TENM3: variants seen among roughly 807,000 people sequenced by gnomAD.
TENM3 encodes teneurin-3.
A neutral mutation model predicts 255.1 loss-of-function variants in TENM3; 63 were observed. That is an observed-to-expected ratio of 0.25 (90% confidence interval 0.20 to 0.30). The LOEUF (loss-of-function observed/expected upper bound fraction) is 0.30. TENM3 is among the 10% of genes least tolerant of loss of function. The pLI, the probability that TENM3 is intolerant of heterozygous loss-of-function variation, is 1.00. For missense variants in TENM3, 2,929 were observed against 3,461.1 expected (o/e 0.85, Z 3.86); for synonymous variants, 1,306 against 1,322.3 (o/e 0.99, Z 0.27).
In TENM3 at chr4:182,443,724, C is replaced by T. The variant is rs9992159; in HGVS notation, c.511+96795C>T. 2.0e-5 allele frequency among the ~76,000 whole-genome samples: 3 copies of T among 152,050 alleles called. No individual in the cohort carries two copies. In the South Asian group the frequency reaches 6.2e-4, roughly 32 times the overall value. On this transcript the variant is annotated intron_variant, in intron 3 of 27. Transcript: ENST00000511685. ...CCTACAAAGAGTCCAGACCTCATCA[C>T]ACACACCCAGATCCTGCTTCCTCCT...
chr4:182,681,712 T>C (rs2152566715), intron 10 of TENM3, 102 bp from the exon 11 acceptor site: 1 of 846,750 alleles, frequency 1.2e-6, no homozygotes, highest in South Asian at 1.9e-5. Context: ...ATATTTGATT[T>C]TCCAAAATGT....
At chr4:181,927,592 G>A in the TENM3 span, among the ~76,000 whole-genome samples, 27,680 of 152,170 alleles carry the variant, frequency 0.18, 3,030 homozygotes, top group Non-Finnish European at 0.25. Flanking sequence ...AGCTGTGGGC[G>A]CAGCTTCAAC....
the TENM3 span, among the ~76,000 whole-genome samples, chr4:181,810,493 C>T: frequency 6.6e-6 from 1 of 151,808 alleles, no homozygotes; most frequent in Admixed American, 6.6e-5. Flanking sequence ...GTAGTGAGTG[C>T]AGTATGTTTC....
At chr4:181,825,177 T>C in the TENM3 span, among the ~76,000 whole-genome samples, 2 of 152,148 alleles carry the variant, frequency 1.3e-5, no homozygotes, top group Admixed American at 6.5e-5. Context: ...CCAAGGCAGA[T>C]GGATCATGAG....
intron 12 of TENM3, 83 bp downstream of exon 12, chr4:182,688,434 C>A: frequency 8.9e-7 from 1 of 1,125,078 alleles, no homozygotes. Context: ...TTGGAAAAAG[C>A]CTATTTCTTT....
intron 3 of TENM3, among the ~76,000 whole-genome samples, chr4:182,427,711 A>G (rs1291276152): frequency 1.3e-5 from 2 of 151,982 alleles, no homozygotes; most frequent in South Asian, 2.1e-4. Context: ...ATTTTGAGTC[A>G]TGGCATCTAC....
chr4:182,566,921 A>G (rs995926860), intron 3 of TENM3, among the ~76,000 whole-genome samples: 1 of 152,226 alleles, frequency 6.6e-6, no homozygotes, highest in Non-Finnish European at 1.5e-5. Context: ...AGTGACATAT[A>G]TACAAATTTA....
At chr4:182,166,879 T>G (rs903269447) in intron 1 of TENM3, among the ~76,000 whole-genome samples, 1 of 151,472 alleles carries the variant, frequency 6.6e-6, no homozygotes, top group Non-Finnish European at 1.5e-5. Flanking sequence ...ACTCTTGGGT[T>G]TTTTTTTTAA....
At chr4:182,455,630 C>T (rs751960583) in intron 3 of TENM3, among the ~76,000 whole-genome samples, 4 of 146,074 alleles carry the variant, frequency 2.7e-5, no homozygotes, top group South Asian at 2.1e-4. Flanking sequence ...GGCATGATCT[C>T]GCCTCACTGC....
the TENM3 span, among the ~76,000 whole-genome samples, chr4:181,956,877 C>T: frequency 2.0e-5 from 3 of 152,170 alleles, no homozygotes; most frequent in African/African-American, 7.2e-5. Context: ...TTAATTCAAA[C>T]ACTTTTCTTA....
chr4:182,029,431 T>C, the TENM3 span, among the ~76,000 whole-genome samples: 3 of 152,182 alleles, frequency 2.0e-5, no homozygotes, highest in Non-Finnish European at 4.4e-5. Context: ...AAGTGGAGTA[T>C]TGAAGTCTCC....
the TENM3 span, among the ~76,000 whole-genome samples, chr4:181,681,546 T>A: frequency 6.6e-6 from 1 of 152,258 alleles, no homozygotes; most frequent in East Asian, 1.9e-4. Flanking sequence ...CCTTTCTGTA[T>A]AAGTAACTTT....
intron 24 of TENM3, among the ~76,000 whole-genome samples, chr4:182,788,284 T>A (rs1323141202): frequency 2.0e-5 from 3 of 152,178 alleles, no homozygotes; most frequent in African/African-American, 7.2e-5. Context: ...CTGGAGACTA[T>A]TGGTAAAGCA....
intron 1 of TENM3, among the ~76,000 whole-genome samples, chr4:182,146,192 A>C (rs1749954821): frequency 6.6e-6 from 1 of 152,226 alleles, no homozygotes; most frequent in Admixed American, 6.5e-5. Context: ...TTAAAACAAG[A>C]TTTTATAAAT....
At chr4:182,118,143 T>C in the TENM3 span, among the ~76,000 whole-genome samples, 1 of 152,114 alleles carries the variant, frequency 6.6e-6, no homozygotes, top group Non-Finnish European at 1.5e-5. Flanking sequence ...ATAATTATGA[T>C]GATTATCATT....
At chr4:182,031,129 A>G in the TENM3 span, among the ~76,000 whole-genome samples, 2 of 152,272 alleles carry the variant, frequency 1.3e-5, no homozygotes, top group African/African-American at 4.8e-5. Flanking sequence ...ATCTTTGCCT[A>G]TGCCTATGTC....
chr4:182,059,025 T>G, the TENM3 span, among the ~76,000 whole-genome samples: 3 of 150,026 alleles, frequency 2.0e-5, no homozygotes, highest in South Asian at 6.3e-4. Flanking sequence ...GATCAGAAAT[T>G]GTATCCAGGA....
intron 6 of TENM3, among the ~76,000 whole-genome samples, chr4:182,667,526 T>C (rs964603304): frequency 6.6e-6 from 1 of 152,170 alleles, no homozygotes; most frequent in African/African-American, 2.4e-5. Context: ...TGACTTATTT[T>C]TTCAGTTCGA....
At chr4:181,586,896 A>G in the TENM3 span, among the ~76,000 whole-genome samples, 2 of 151,978 alleles carry the variant, frequency 1.3e-5, no homozygotes, top group Non-Finnish European at 2.9e-5. Flanking sequence ...GAAGCAGATC[A>G]TTATTTTTTT....
Sources: gnomAD v4.1 joint callset for allele counts (sites outside exome capture counted in the v4.1 genomes callset) on GRCh38, gnomAD v4.1.1 for gene constraint, MANE v1.5 for transcripts, NCBI Gene and HGNC (gene_info 2026-07-23, HGNC 2026-07-21) for gene names.